Variants in KLHL1 observed in about 807,000 individuals in gnomAD.
KLHL1 encodes the protein kelch like family member 1.
In KLHL1, 47 loss-of-function variants were observed where a neutral mutation model predicts 77.7. The observed-to-expected ratio is 0.60, with a 90% confidence interval of 0.48 to 0.77. The LOEUF (loss-of-function observed/expected upper bound fraction) is 0.77, where lower values mean the gene tolerates loss of function less well. KLHL1 is among the 30% of genes least tolerant of loss of function. The pLI is 0.00. For missense variants in KLHL1, 925 were observed against 910.8 expected (o/e 1.02, Z -0.20); for synonymous variants, 360 against 325.2 (o/e 1.11, Z -1.15).
intron 3 of KLHL1, among the ~76,000 whole-genome samples, chr13:69,947,823 A>C (rs7337151): frequency 0.13 from 19,469 of 152,078 alleles, 1,946 homozygotes; most frequent in East Asian, 0.29. Context: ...CCTAGATGTA[A>C]AAAGGCAAAA....
intron 1 of KLHL1, among the ~76,000 whole-genome samples, chr13:69,985,032 A>C (rs1162666314): frequency 6.6e-6 from 1 of 152,140 alleles, no homozygotes; most frequent in East Asian, 1.9e-4. Context: ...GGATCGCTTG[A>C]ACCTGGGAGG....
At chr13:69,882,783 T>A (rs1183679705) in intron 4 of KLHL1, among the ~76,000 whole-genome samples, 1 of 152,196 alleles carries the variant, frequency 6.6e-6, no homozygotes, top group African/African-American at 2.4e-5. Context: ...AAGTTTCAAG[T>A]GTACTGCTAT....
intron 1 of KLHL1, among the ~76,000 whole-genome samples, chr13:70,034,090 C>T (rs182229004): frequency 2.7e-4 from 41 of 152,240 alleles, no homozygotes; most frequent in African/African-American, 8.4e-4. Flanking sequence ...TAAGAATCAC[C>T]TCAAGTGCAG....
At chr13:69,839,509 C>T (rs74090500) in intron 5 of KLHL1, among the ~76,000 whole-genome samples, 12,268 of 151,836 alleles carry the variant, frequency 0.081, 929 homozygotes, top group African/African-American at 0.2. Context: ...AGGTGAAAGA[C>T]ATTTAATTTA....
At chr13:70,003,123 T>C (rs568425393) in intron 1 of KLHL1, among the ~76,000 whole-genome samples, 5 of 151,656 alleles carry the variant, frequency 3.3e-5, no homozygotes, top group South Asian at 2.1e-4. Flanking sequence ...AAAACAAATA[T>C]GTGAAAATAT....
intron 1 of KLHL1, among the ~76,000 whole-genome samples, chr13:70,005,034 TTA>T (rs1214435425): frequency 3.3e-5 from 5 of 151,800 alleles, no homozygotes; most frequent in African/African-American, 1.2e-4. Flanking sequence ...TTGTAGGATT[TTA>T]TGTTTTTAGA....
At chr13:69,991,140 G>C (rs1200833234) in intron 1 of KLHL1, among the ~76,000 whole-genome samples, 3 of 151,940 alleles carry the variant, frequency 2.0e-5, no homozygotes, top group African/African-American at 7.2e-5. Flanking sequence ...GAATCTCTGG[G>C]ACACAGCTAA....
At chr13:70,098,171 G>C (rs150432727) in intron 1 of KLHL1, among the ~76,000 whole-genome samples, 1 of 151,628 alleles carries the variant, frequency 6.6e-6, no homozygotes, top group African/African-American at 2.4e-5. Flanking sequence ...TTAAACTCTC[G>C]AAGTGTTTTC....
intron 1 of KLHL1, among the ~76,000 whole-genome samples, chr13:70,061,031 T>C (rs73518704): frequency 0.031 from 4,679 of 152,072 alleles, 150 homozygotes; most frequent in African/African-American, 0.077. Flanking sequence ...ATTAAAACAA[T>C]TGATCTCAGG....
chr13:69,865,903 C>T (rs1363799705), intron 5 of KLHL1, among the ~76,000 whole-genome samples: 1 of 151,988 alleles, frequency 6.6e-6, no homozygotes, highest in Non-Finnish European at 1.5e-5. Flanking sequence ...TATTTATCTG[C>T]CCAATTTTAT....
chr13:69,745,330 A>G (rs1180139775), intron 7 of KLHL1, among the ~76,000 whole-genome samples: 1 of 151,882 alleles, frequency 6.6e-6, no homozygotes, highest in Non-Finnish European at 1.5e-5. Context: ...CATTTTATCA[A>G]TTTGTAGTAG....
At chr13:69,949,388 T>C (rs933924402) in intron 3 of KLHL1, among the ~76,000 whole-genome samples, 7 of 151,790 alleles carry the variant, frequency 4.6e-5, no homozygotes, top group Non-Finnish European at 7.4e-5. Flanking sequence ...TGTTCTTCGA[T>C]TGATATTTTG....
chr13:69,915,979 A>G (rs1185317932), intron 4 of KLHL1, among the ~76,000 whole-genome samples: 2 of 152,240 alleles, frequency 1.3e-5, no homozygotes, highest in Admixed American at 6.5e-5. Context: ...GCCAACAGAC[A>G]CATGAAAAAA....
intron 1 of KLHL1, among the ~76,000 whole-genome samples, chr13:70,024,422 G>A (rs1885880006): frequency 6.6e-6 from 1 of 151,950 alleles, no homozygotes; most frequent in East Asian, 1.9e-4. Flanking sequence ...GACTTGCCAT[G>A]AGTGTTTTTC....
At chr13:69,840,698 A>ATATG (rs200339697) in intron 5 of KLHL1, among the ~76,000 whole-genome samples, 5,225 of 146,284 alleles carry the variant, frequency 0.036, 177 homozygotes, top group African/African-American at 0.076. Flanking sequence ...ATATATATAT[A>ATATG]TATGTATGTA....
chr13:69,763,218 C>T (rs1156446497), intron 7 of KLHL1, among the ~76,000 whole-genome samples: 1 of 152,178 alleles, frequency 6.6e-6, no homozygotes. Flanking sequence ...AGATTACTTA[C>T]TGGCTGAATA....
At chr13:70,057,782 C>CAAAA (rs60920874) in intron 1 of KLHL1, among the ~76,000 whole-genome samples, 171 of 60,810 alleles carry the variant, frequency 2.8e-3, no homozygotes, top group Middle Eastern at 0.014. Context: ...GACTCCGTCT[C>CAAAA]AAAAAAAAAA....
chr13:70,059,150 A>C (rs528922751), intron 1 of KLHL1, among the ~76,000 whole-genome samples: 1 of 145,822 alleles, frequency 6.9e-6, no homozygotes, highest in Admixed American at 6.8e-5. Flanking sequence ...ATGGACAAAT[A>C]TTTCTTCTTT....
chr13:69,870,765 G>GA (rs1351966519), intron 5 of KLHL1, among the ~76,000 whole-genome samples: 2 of 151,868 alleles, frequency 1.3e-5, no homozygotes, highest in East Asian at 3.9e-4. Flanking sequence ...AATCAAGCAG[G>GA]AGAGACATTA....
Sources: allele counts gnomAD v4.1 joint callset (sites outside exome capture counted in the v4.1 genomes callset), GRCh38; gene constraint gnomAD v4.1.1; transcripts MANE v1.5; gene names NCBI Gene and HGNC (gene_info 2026-07-23, HGNC 2026-07-21).